The following SHISA9 variants were observed in gnomAD, a reference collection of about 807,000 sequenced individuals.
SHISA9 encodes shisa family member 9.
Under a neutral mutation model 38.0 loss-of-function variants are expected in SHISA9, and 13 were observed. The observed-to-expected ratio is 0.34, with a 90% CI of 0.22 to 0.54. The LOEUF (loss-of-function observed/expected upper bound fraction) is 0.54. Among genes scored for constraint, SHISA9 ranks in the 20% least tolerant of loss-of-function variants. The probability of loss-of-function intolerance (pLI) is 0.91; values close to 1 mark genes in which losing one functional copy is unlikely to be tolerated. For synonymous variants in SHISA9, 275 were observed against 242.0 expected, an observed-to-expected ratio of 1.14 and a Z score of -1.27; for missense variants, 538 against 575.8, an observed-to-expected ratio of 0.93 and a Z score of 0.67.
intron 4 of SHISA9, among the ~76,000 whole-genome samples, chr16:13,218,618 T>G (rs2051193258): frequency 6.6e-6 from 1 of 152,208 alleles, no homozygotes; most frequent in Non-Finnish European, 1.5e-5. Flanking sequence ...GGACCTTAGT[T>G]CCTTCATCTG....
the SHISA9 span, chr16:13,562,887 G>A: frequency 6.6e-6 from 1 of 151,332 alleles, no homozygotes; most frequent in African/African-American, 2.4e-5. Context: ...AAGCTCGATA[G>A]GGAAACCAAA....
intron 2 of SHISA9, among the ~76,000 whole-genome samples, chr16:13,037,088 C>CCACACA (rs71147781): frequency 3.9e-5 from 5 of 129,736 alleles, no homozygotes; most frequent in African/African-American, 3.1e-5. Context: ...ACACACCACA[C>CCACACA]CACACACACA....
chr16:13,109,173 T>C (rs2073954264), intron 2 of SHISA9, among the ~76,000 whole-genome samples: 1 of 152,142 alleles, frequency 6.6e-6, no homozygotes, highest in Non-Finnish European at 1.5e-5. Flanking sequence ...ACTACAGATA[T>C]GTGCCATCAT....
the SHISA9 span, among the ~76,000 whole-genome samples, chr16:13,502,001 C>CAAA: frequency 7.0e-4 from 91 of 129,130 alleles, 1 homozygote; most frequent in South Asian, 3.9e-3. Context: ...AACTCCGTAT[C>CAAA]AAAAAAAAAA....
chr16:13,070,666 A>G (rs775893070), intron 2 of SHISA9, among the ~76,000 whole-genome samples: 5 of 152,192 alleles, frequency 3.3e-5, no homozygotes, highest in African/African-American at 7.2e-5. Flanking sequence ...GCTAACACCT[A>G]TATGTCAGTC....
the SHISA9 span, among the ~76,000 whole-genome samples, chr16:13,309,317 T>G: frequency 1.3e-5 from 2 of 152,110 alleles, no homozygotes; most frequent in Admixed American, 6.6e-5. Flanking sequence ...GTAGCAAACC[T>G]GCACATCCTG....
At chr16:13,499,711 A>G in the SHISA9 span, among the ~76,000 whole-genome samples, 4 of 152,308 alleles carry the variant, frequency 2.6e-5, no homozygotes, top group East Asian at 7.7e-4. Context: ...CAGGAAGAAT[A>G]AACTCTTTGA....
chr16:13,254,663 C>T, the SHISA9 span, among the ~76,000 whole-genome samples: 1 of 152,250 alleles, frequency 6.6e-6, no homozygotes, highest in Admixed American at 6.5e-5. Context: ...CTAATCACCT[C>T]CCCCAGAACC....
At chr16:13,504,993 C>T in the SHISA9 span, among the ~76,000 whole-genome samples, 46 of 152,272 alleles carry the variant, frequency 3.0e-4, no homozygotes, top group African/African-American at 7.2e-4. Context: ...TCTTTCAGCT[C>T]CCTCTTATCT....
At chr16:13,368,303 G>C in the SHISA9 span, among the ~76,000 whole-genome samples, 2 of 152,082 alleles carry the variant, frequency 1.3e-5, no homozygotes, top group Non-Finnish European at 2.9e-5. Flanking sequence ...AAGGAATTTT[G>C]GTAGCACAGG....
intron 2 of SHISA9, among the ~76,000 whole-genome samples, chr16:13,069,669 G>T (rs550304340): frequency 6.6e-6 from 1 of 152,290 alleles, no homozygotes; most frequent in East Asian, 1.9e-4. Flanking sequence ...ATGTATGTGT[G>T]TGTGTGTACC....
chr16:12,914,334 G>A (rs537811713), intron 1 of SHISA9, among the ~76,000 whole-genome samples: 19 of 151,884 alleles, frequency 1.3e-4, no homozygotes, highest in Non-Finnish European at 2.4e-4. Flanking sequence ...GTGAGCCACC[G>A]TGCCCGGTAG....
chr16:12,954,096 C>T (rs906370989), intron 2 of SHISA9, among the ~76,000 whole-genome samples: 2 of 152,048 alleles, frequency 1.3e-5, no homozygotes, highest in African/African-American at 2.4e-5. Flanking sequence ...GCAGAAGTGG[C>T]GAGATGATTT....
In SHISA9 at chr16:13,210,850, A is replaced by G. The variant is rs577922047; in HGVS notation, c.848-2403A>G. On this transcript the variant is annotated intron_variant, in intron 3 of 4. Coordinates refer to ENST00000558583, the MANE Select transcript of SHISA9 (RefSeq NM_001145204.3). ...TCAAGAGTGCTTGACTTGGAATCCT[A>G]TGTTCTTCCCATGAAACTATGCTGT... Among the ~76,000 whole-genome samples the G allele has an allele frequency of 1.2e-4, 18 of 152,334 alleles. No homozygotes were observed. In the South Asian group the frequency reaches 2.5e-3, roughly 21 times the overall value.
chr16:13,276,169 G>GT, the SHISA9 span, among the ~76,000 whole-genome samples: 2 of 150,790 alleles, frequency 1.3e-5, no homozygotes, highest in Non-Finnish European at 2.9e-5. Flanking sequence ...GAGATGTTTG[G>GT]TTTTCCATTC....
At chr16:12,970,397 A>ATATG in intron 2 of SHISA9, among the ~76,000 whole-genome samples, 1 of 5,034 alleles carries the variant, frequency 2.0e-4, no homozygotes, top group Admixed American at 2.8e-3. Flanking sequence ...ATGTATATAT[A>ATATG]TATATACATA....
chr16:12,993,438 T>G (rs2072415435), intron 2 of SHISA9, among the ~76,000 whole-genome samples: 1 of 152,206 alleles, frequency 6.6e-6, no homozygotes, highest in Admixed American at 6.5e-5. Flanking sequence ...GGTGCATCAT[T>G]CTACCTTTCT....
At chr16:13,503,849 C>T in the SHISA9 span, among the ~76,000 whole-genome samples, 2 of 152,114 alleles carry the variant, frequency 1.3e-5, no homozygotes, top group South Asian at 4.2e-4. Context: ...TGCAGAGGGG[C>T]AAGAATGGAA....
At chr16:13,460,213 T>TG in the SHISA9 span, among the ~76,000 whole-genome samples, 1 of 152,098 alleles carries the variant, frequency 6.6e-6, no homozygotes, top group African/African-American at 2.4e-5. Flanking sequence ...CTCTGGGAGA[T>TG]GGGGGTCTAT....
Sources: gnomAD v4.1 joint callset for allele counts (sites outside exome capture counted in the v4.1 genomes callset) on GRCh38, gnomAD v4.1.1 for gene constraint, MANE v1.5 for transcripts, NCBI Gene and HGNC (gene_info 2026-07-23, HGNC 2026-07-21) for gene names.